Variants in COL25A1 observed in about 807,000 individuals in gnomAD.
The protein encoded by COL25A1 is collagen alpha-1(XXV) chain.
A neutral mutation model predicts 128.4 loss-of-function variants in COL25A1; 103 were observed. The observed-to-expected ratio is 0.80, with a 90% CI of 0.68 to 0.94. COL25A1 has a LOEUF of 0.94. Ranked by LOEUF, COL25A1 falls within the 40% of genes least tolerant of loss-of-function variation. COL25A1 has a pLI of 0.00. For missense variants in COL25A1, 745 were observed against 840.0 expected (o/e 0.89, Z 1.40); for synonymous variants, 279 against 277.2 (o/e 1.01, Z -0.06).
intron 3 of COL25A1, among the ~76,000 whole-genome samples, chr4:109,125,135 A>T (rs1008566527): frequency 3.9e-5 from 6 of 152,130 alleles, no homozygotes; most frequent in Non-Finnish European, 4.4e-5. Context: ...CAGACAGGAA[A>T]CTGAGTTATC....
At chr4:108,993,265 G>A (rs1271696716) in intron 6 of COL25A1, among the ~76,000 whole-genome samples, 1 of 152,032 alleles carries the variant, frequency 6.6e-6, no homozygotes, top group Non-Finnish European at 1.5e-5. Context: ...TTCCACATAC[G>A]CATGAGAACA....
intron 6 of COL25A1, among the ~76,000 whole-genome samples, chr4:109,009,181 T>C (rs1756342883): frequency 1.3e-5 from 2 of 152,224 alleles, no homozygotes; most frequent in Admixed American, 1.3e-4. Context: ...CATCTTTTAC[T>C]TTGTCTTCAT....
chr4:109,078,844 G>T (rs1218086597), intron 3 of COL25A1, among the ~76,000 whole-genome samples: 1 of 152,218 alleles, frequency 6.6e-6, no homozygotes, highest in Non-Finnish European at 1.5e-5. Flanking sequence ...TTCCTGGTAT[G>T]ATTAGCAGCT....
chr4:109,271,719 G>C (rs943383168), intron 3 of COL25A1, among the ~76,000 whole-genome samples: 5 of 152,174 alleles, frequency 3.3e-5, no homozygotes, highest in African/African-American at 1.2e-4. Flanking sequence ...GAACACCACA[G>C]TGATTTTTCA....
intron 6 of COL25A1, among the ~76,000 whole-genome samples, chr4:109,004,982 T>A (rs1224676419): frequency 6.6e-6 from 1 of 152,208 alleles, no homozygotes; most frequent in East Asian, 1.9e-4. Flanking sequence ...AGTCTTTTAA[T>A]AAACTTTAAA....
chr4:108,981,157 A>T (rs1187594528), intron 6 of COL25A1, among the ~76,000 whole-genome samples: 1 of 152,242 alleles, frequency 6.6e-6, no homozygotes, highest in African/African-American at 2.4e-5. Context: ...CTAGTGTTTT[A>T]CTTGAAAAAT....
intron 22 of COL25A1, 69 bp downstream of exon 22, chr4:108,862,432 G>C: frequency 8.3e-7 from 1 of 1,197,692 alleles, no homozygotes; most frequent in Admixed American, 1.7e-5. Flanking sequence ...ACATGCCTCT[G>C]TGGCAAAGGC....
chr4:108,969,310 T>C (rs1751657732), intron 8 of COL25A1, among the ~76,000 whole-genome samples: 1 of 152,176 alleles, frequency 6.6e-6, no homozygotes, highest in Non-Finnish European at 1.5e-5. Context: ...AGGGAAAATG[T>C]TGCTTTCTTG....
At chr4:108,862,458 T>TG in intron 22 of COL25A1, 43 bp downstream of exon 22, 1 of 1,471,030 alleles carries the variant, frequency 6.8e-7, no homozygotes, top group South Asian at 1.1e-5. Context: ...GCACAGATCT[T>TG]GAAGGCCTCA....
intron 3 of COL25A1, among the ~76,000 whole-genome samples, chr4:109,168,792 A>C (rs772032978): frequency 5.9e-5 from 9 of 152,208 alleles, no homozygotes; most frequent in Non-Finnish European, 1.2e-4. Flanking sequence ...CTAAATCCTA[A>C]GACTTATCCT....
At chr4:109,026,179 ACC>A (rs1758263506) in intron 5 of COL25A1, among the ~76,000 whole-genome samples, 1 of 151,712 alleles carries the variant, frequency 6.6e-6, no homozygotes, top group Non-Finnish European at 1.5e-5. Context: ...GAAATAATTC[ACC>A]TGGGTTAAGA....
rs746270363 is a variant in COL25A1 at position 109,302,504 on chromosome 4, C to A, written c.-392G>T. ...GTCTTTCGGCACGCCGACCTGTTTC[C>A]CACCTGCATTCAGTTCAAGGCAAAA... On this transcript the variant is annotated 5_prime_UTR_variant, in exon 1 of 38. An upstream open reading frame in the 5' UTR gains an earlier in-frame stop. Coordinates refer to ENST00000399132, the MANE Select transcript of COL25A1 (RefSeq NM_198721.4). 35 of 164,722 alleles carry A rather than the reference C, an allele frequency of 2.1e-4. No homozygotes were observed. The highest frequency in any genetic ancestry group is 4.2e-4 in the Non-Finnish European group (32 of 76,792). 10.2% of individuals were successfully genotyped at this position (164,722 alleles called of 1,614,324 possible).
chr4:109,040,879 G>A (rs1759817376), intron 5 of COL25A1, among the ~76,000 whole-genome samples: 1 of 151,736 alleles, frequency 6.6e-6, no homozygotes, highest in African/African-American at 2.4e-5. Flanking sequence ...TTGAAAAGAA[G>A]CAAATTTAAT....
chr4:109,079,491 C>A (rs1213751675), intron 3 of COL25A1, among the ~76,000 whole-genome samples: 4 of 152,018 alleles, frequency 2.6e-5, no homozygotes, highest in Non-Finnish European at 5.9e-5. Flanking sequence ...AGATGAAAAG[C>A]TGAAAAATAA....
chr4:109,301,992 C>G lies in COL25A1; in HGVS notation c.28G>C (p.Gly10Arg). Residue 10 changes from glycine (G) to arginine (R), a missense_variant, in exon 2 of 38, where the codon GGA (glycine) becomes CGA (arginine). Physicochemically the swap from Gly to Arg is moderately radical, Grantham distance 125. This residue lies in a region of COL25A1 where 319 missense variants were observed against 324.9 expected (regional missense o/e 0.98). Transcript: ENST00000399132. ...TCGGATCTGGGCTCCCGGCCCCCTC[C>G]TTTCCCTGCGTGCTTCTTCAGCAGC... MLLKKHAGK[G>R]GGREPRSEDP... The G allele has an allele frequency of 6.2e-7, 1 of 1,601,604 alleles. No individual in the cohort carries two copies. Among genetic ancestry groups the G allele is most frequent in the Non-Finnish European group, 8.5e-7 (1 of 1,174,412 alleles).
At chr4:108,940,299 G>A (rs1277322234) in intron 10 of COL25A1, among the ~76,000 whole-genome samples, 1 of 152,106 alleles carries the variant, frequency 6.6e-6, no homozygotes, top group African/African-American at 2.4e-5. Flanking sequence ...TGGTTTGCTT[G>A]GATTCCCAGT....
chr4:109,047,607 C>T (rs1760556079), intron 5 of COL25A1, among the ~76,000 whole-genome samples: 1 of 151,374 alleles, frequency 6.6e-6, no homozygotes, highest in Non-Finnish European at 1.5e-5. Context: ...ACCTGTTCCC[C>T]AATAACCTAT....
chr4:108,827,104 G>A, intron 33 of COL25A1, 31 bp downstream of exon 33: 1 of 1,605,302 alleles, frequency 6.2e-7, no homozygotes, highest in Non-Finnish European at 8.5e-7. Context: ...GCATGCGGAA[G>A]GTGGGGAGGT....
Position 108,844,521 on chromosome 4 carries a change from T to C in COL25A1, c.1627A>G (p.Met543Val). ...TTTCAGAAAGAAGGGAAACTTACCA[T>C]GGGGCCAGGTGGGCCATGGGGACCT... The part of the protein sequence containing the change: ...PPGPHGPPGP[M>V]GPHGLPGPKG... The change falls in exon 30 of 38, where the codon ATG (methionine) becomes GTG (valine). Residue 543 changes from methionine (M) to valine (V), a missense_variant and splice_region_variant. Met to Val is a conservative substitution (Grantham distance 21, BLOSUM62 1). Coordinates refer to ENST00000399132, the MANE Select transcript of COL25A1 (RefSeq NM_198721.4). 1 of 1,614,070 alleles carries C rather than the reference T, an allele frequency of 6.2e-7. No individual in the cohort carries two copies. The highest frequency in any genetic ancestry group is 8.5e-7 in the Non-Finnish European group (1 of 1,179,970).
Sources: gnomAD v4.1 joint callset for allele counts (sites outside exome capture counted in the v4.1 genomes callset) on GRCh38, gnomAD v4.1.1 for gene constraint, gnomAD v4.1.1 regional missense constraint, MANE v1.5 for transcripts, NCBI Gene and HGNC (gene_info 2026-07-23, HGNC 2026-07-21) for gene names.